The following RSF1 variants were observed in gnomAD, a reference collection of about 807,000 sequenced individuals.
The protein encoded by RSF1 is remodeling and spacing factor 1, also known as HBV pX-associated protein 8.
In RSF1, 13 loss-of-function variants were observed where a neutral mutation model predicts 145.2. The ratio of observed to expected loss-of-function variants is 0.09; its 90% CI spans 0.06 to 0.14. RSF1 has a LOEUF of 0.14. Ranked by LOEUF, RSF1 falls within the 10% of genes least tolerant of loss-of-function variation. The pLI is 1.00. For synonymous variants in RSF1, 577 were observed against 592.6 expected, an observed-to-expected ratio of 0.97 and a Z score of 0.38; for missense variants, 1,517 against 1,718.2, an observed-to-expected ratio of 0.88 and a Z score of 2.07.
chr11:77,825,672 G>A (rs1350801607), upstream of RSF1, among the ~76,000 whole-genome samples: 4 of 151,654 alleles, frequency 2.6e-5, no homozygotes, highest in East Asian at 7.7e-4. Context: ...GACACCTTTA[G>A]AAGTGTCTTA....
chr11:77,745,388 T>A (rs1167481975), intron 3 of RSF1, among the ~76,000 whole-genome samples: 1 of 152,184 alleles, frequency 6.6e-6, no homozygotes, highest in East Asian at 1.9e-4. Context: ...TCTTCTTTTT[T>A]AATATGGCCA....
chr11:77,726,832 T>A (rs1961065500), intron 4 of RSF1, among the ~76,000 whole-genome samples: 1 of 152,196 alleles, frequency 6.6e-6, no homozygotes. Flanking sequence ...CCAGCTAGAT[T>A]CTACTGCTTT....
At chr11:77,743,993 C>A (rs1192092222) in intron 3 of RSF1, among the ~76,000 whole-genome samples, 1 of 152,054 alleles carries the variant, frequency 6.6e-6, no homozygotes, top group Non-Finnish European at 1.5e-5. Flanking sequence ...GTCCTTCATT[C>A]TCTTAATGTG....
intron 1 of RSF1, among the ~76,000 whole-genome samples, chr11:77,795,247 T>C (rs1327517814): frequency 6.6e-6 from 1 of 151,876 alleles, no homozygotes; most frequent in Non-Finnish European, 1.5e-5. Context: ...TAAAAGAATA[T>C]CAATAAAATG....
Position 77,662,722 on chromosome 11 carries a change from G to C in RSF1, c.*4195C>G, listed in dbSNP as rs1169771265. 6.6e-6 allele frequency: 1 copy of C among 152,104 alleles called. No homozygotes were observed. Among genetic ancestry groups the C allele is most frequent in the Non-Finnish European group, 1.5e-5 (1 of 67,998 alleles). 9.4% of individuals were successfully genotyped at this position (152,104 alleles called of 1,614,324 possible). On this transcript the variant is annotated 3_prime_UTR_variant, in exon 16 of 16. Transcript: ENST00000308488. ...GTTTACAGGCACACACTTTGGGAAA[G>C]GTAGATGATATAGGAATGGATTTTA... is the stretch of plus-strand genomic sequence containing the variant.
intron 5 of RSF1, among the ~76,000 whole-genome samples, chr11:77,713,372 G>C (rs1217881111): frequency 6.6e-6 from 1 of 151,798 alleles, no homozygotes; most frequent in Admixed American, 6.6e-5. Context: ...ATACATTATG[G>C]CATTTTCTTC....
chr11:77,869,408 G>A, the RSF1 span, among the ~76,000 whole-genome samples: 1 of 148,104 alleles, frequency 6.8e-6, no homozygotes, highest in Non-Finnish European at 1.5e-5. Context: ...GACCTCCCAG[G>A]CCCAAGCAAT....
In RSF1 at chr11:77,662,831, GCTT is replaced by G. The variant is rs1959261568; in HGVS notation, c.*4083_*4085del. ...CAGATATGCAGCCTTGGCATTCTCT[GCTT>G]CTTCGAGAATGAGGAATATATTTTG... On this transcript the variant is annotated 3_prime_UTR_variant, in exon 16 of 16. Transcript: ENST00000308488. The G allele has an allele frequency of 6.6e-6, 1 of 152,190 alleles. No individual in the cohort carries two copies. The highest frequency in any genetic ancestry group is 6.5e-5 in the Admixed American group (1 of 15,268). 9.4% of individuals were successfully genotyped at this position (152,190 alleles called of 1,614,324 possible). A position where few individuals can be genotyped will look rare whatever the true frequency, so the allele number is the denominator to read the frequency against.
rs866454285 is a variant in RSF1 at position 77,691,554 on chromosome 11, T to G, written c.2821-316A>C. 1.5e-4 allele frequency: 35 copies of G among 241,090 alleles called. 1 individual carries two copies. Among genetic ancestry groups the G allele is most frequent in the Middle Eastern group, 1.4e-3 (1 of 728 alleles). The allele number at this position is 241,090 out of a possible 1,614,324, so 14.9% of individuals were successfully genotyped here. A position where few individuals can be genotyped will look rare whatever the true frequency, so the allele number is the denominator to read the frequency against. On this transcript the variant is annotated intron_variant, in intron 8 of 15. Transcript: ENST00000308488. ...CATGTGTATGTAACAGTGATTATAC[T>G]TTTTAAAAAAGATCCCAAGATGTTT...
At chr11:77,707,464 A>G (rs2135862059) in intron 5 of RSF1, among the ~76,000 whole-genome samples, 1 of 152,354 alleles carries the variant, frequency 6.6e-6, no homozygotes, top group South Asian at 2.1e-4. Flanking sequence ...AGAAGGATTA[A>G]TAAATGCATT....
In RSF1 at chr11:77,667,332, T is replaced by C. The variant is rs759722358; in HGVS notation, c.3911A>G (p.Glu1304Gly). The change falls in exon 16 of 16, where the codon GAG becomes GGG. Residue 1304 changes from glutamate to glycine, a missense_variant. Physicochemically the swap from Glu to Gly is moderately conservative, Grantham distance 98 (BLOSUM62 -2). Around this residue, in one of 12 missense-constraint regions of RSF1, gnomAD observed 240 missense variants for 231.8 expected, o/e 1.04. Coordinates refer to ENST00000308488, the MANE Select transcript of RSF1 (RefSeq NM_016578.4). ...GTCACAACTCTCCTCCTCATCCGTC[T>C]CAATCCGGTGTAGCCGTTTGCGGGA... ...KPSRKRLHRIETDEEESCDNA... is the reference protein window; with the variant it reads ...KPSRKRLHRIGTDEEESCDNA... The C allele has an allele frequency of 6.2e-7, 1 of 1,614,056 alleles. No homozygotes were observed. Among genetic ancestry groups the C allele is most frequent in the Admixed American group, 1.7e-5 (1 of 60,012 alleles).
intron 5 of RSF1, among the ~76,000 whole-genome samples, chr11:77,710,184 A>C (rs1421929247): frequency 6.6e-6 from 1 of 152,204 alleles, no homozygotes; most frequent in Non-Finnish European, 1.5e-5. Flanking sequence ...GACAAGTAAA[A>C]ATTGTATATA....
At chr11:77,738,066 T>C (rs1961409604) in intron 4 of RSF1, among the ~76,000 whole-genome samples, 1 of 152,166 alleles carries the variant, frequency 6.6e-6, no homozygotes, top group Non-Finnish European at 1.5e-5. Flanking sequence ...AAGGCGGAGC[T>C]TGCAGTGAGC....
intron 2 of RSF1, among the ~76,000 whole-genome samples, chr11:77,755,545 A>G (rs369713189): frequency 6.6e-6 from 1 of 151,974 alleles, no homozygotes; most frequent in African/African-American, 2.4e-5. Context: ...ACTGGGTCAC[A>G]TTGTCTTTAC....
chr11:77,827,057 A>G, the RSF1 span, among the ~76,000 whole-genome samples: 3 of 152,018 alleles, frequency 2.0e-5, no homozygotes, highest in African/African-American at 7.2e-5. Flanking sequence ...GTGAGCTGAG[A>G]TGGGGCCACT....
intron 1 of RSF1, among the ~76,000 whole-genome samples, chr11:77,799,947 C>A (rs1157050364): frequency 6.6e-6 from 1 of 152,070 alleles, no homozygotes; most frequent in East Asian, 1.9e-4. Context: ...CCAAAATGTA[C>A]TCAAGAGGAA....
chr11:77,865,667 TTA>T, the RSF1 span, among the ~76,000 whole-genome samples: 1 of 152,176 alleles, frequency 6.6e-6, no homozygotes, highest in Non-Finnish European at 1.5e-5. Flanking sequence ...TCATCTGCCA[TTA>T]TGAGATGGGA....
chr11:77,743,736 G>A (rs1947967210), intron 3 of RSF1, among the ~76,000 whole-genome samples: 4 of 152,026 alleles, frequency 2.6e-5, no homozygotes, highest in African/African-American at 7.2e-5. Flanking sequence ...TTCTGGCTAC[G>A]ACTTCCAGTA....
chr11:77,685,466 T>C (rs1185067261), intron 9 of RSF1, among the ~76,000 whole-genome samples: 1 of 152,156 alleles, frequency 6.6e-6, no homozygotes, highest in African/African-American at 2.4e-5. Flanking sequence ...CAGCTAATTT[T>C]TGTATTTTTA....
Sources: gnomAD v4.1 joint callset for allele counts (sites outside exome capture counted in the v4.1 genomes callset) on GRCh38, gnomAD v4.1.1 for gene constraint, gnomAD v4.1.1 regional missense constraint, MANE v1.5 for transcripts, NCBI Gene and HGNC (gene_info 2026-07-23, HGNC 2026-07-21) for gene names.